Variants in UNC79 observed in about 807,000 individuals in gnomAD.
UNC79 encodes the protein protein unc-79 homolog.
UNC79 carries 37 observed loss-of-function variants against 283.1 expected under a neutral mutation model. That is an observed-to-expected ratio of 0.13 (90% CI 0.10 to 0.17). UNC79 has a LOEUF of 0.17. Among genes scored for constraint, UNC79 ranks in the 10% least tolerant of loss-of-function variants. The pLI, the probability that UNC79 is intolerant of heterozygous loss-of-function variation, is 1.00. For synonymous variants in UNC79, 1,107 were observed against 1,200.2 expected, an observed-to-expected ratio of 0.92 and a Z score of 1.61; for missense variants, 2,272 against 3,211.1, an observed-to-expected ratio of 0.71 and a Z score of 7.07.
At chr14:93,695,598 A>G (rs2075037953) in intron 47 of UNC79, among the ~76,000 whole-genome samples, 1 of 152,020 alleles carries the variant, frequency 6.6e-6, no homozygotes, top group African/African-American at 2.4e-5. Context: ...ATCACCTCCA[A>G]AAGTTTTTTC....
intron 22 of UNC79, among the ~76,000 whole-genome samples, chr14:93,588,902 C>A (rs893210583): frequency 6.6e-6 from 1 of 152,040 alleles, no homozygotes; most frequent in Admixed American, 6.6e-5. Flanking sequence ...AGGAAGAATA[C>A]CCTTTCCTTT....
At chr14:93,375,853 T>C (rs915204881) in intron 1 of UNC79, among the ~76,000 whole-genome samples, 4 of 152,144 alleles carry the variant, frequency 2.6e-5, no homozygotes, top group South Asian at 2.1e-4. Flanking sequence ...GATTACAATT[T>C]GACATGAGAT....
At chr14:93,479,131 A>G (rs546866943) in intron 4 of UNC79, among the ~76,000 whole-genome samples, 2 of 152,208 alleles carry the variant, frequency 1.3e-5, no homozygotes, top group Admixed American at 1.3e-4. Flanking sequence ...AAACTTAGGC[A>G]TAAGAATTTT....
intron 4 of UNC79, among the ~76,000 whole-genome samples, chr14:93,481,647 A>G (rs1489453446): frequency 6.6e-6 from 1 of 152,154 alleles, no homozygotes; most frequent in Non-Finnish European, 1.5e-5. Context: ...TAAGGGCATT[A>G]TCTTAAAGGC....
intron 1 of UNC79, among the ~76,000 whole-genome samples, chr14:93,373,747 A>T (rs2054501359): frequency 6.6e-6 from 1 of 152,242 alleles, no homozygotes; most frequent in Non-Finnish European, 1.5e-5. Context: ...ACTTTCTAAC[A>T]CATTCTGCAA....
Position 93,671,945 on chromosome 14 carries a change from T to C in UNC79, c.6637-1406T>C, listed in dbSNP as rs545568281. Among the ~76,000 whole-genome samples the C allele has an allele frequency of 3.3e-5, 5 of 152,042 alleles. 1 individual carries two copies. The South Asian group carries it at 8.3e-4, about 25-fold the overall frequency. ...CATATGAAAAAAAATGCTCAATATC[T>C]CTAATCATCAGGGAAATGCAAATCA... is the stretch of plus-strand genomic sequence containing the variant. On this transcript the variant is annotated intron_variant, in intron 40 of 48. Coordinates refer to ENST00000555664, the Ensembl canonical transcript of UNC79.
At chr14:93,510,886 C>T (rs746811739) in intron 7 of UNC79, among the ~76,000 whole-genome samples, 1 of 152,156 alleles carries the variant, frequency 6.6e-6, no homozygotes, top group Non-Finnish European at 1.5e-5. Flanking sequence ...AGCAATGCCC[C>T]ACTTCTCTAG....
intron 14 of UNC79, among the ~76,000 whole-genome samples, chr14:93,564,716 G>A (rs141846758): frequency 0.028 from 4,185 of 152,058 alleles, 211 homozygotes; most frequent in African/African-American, 0.096. Flanking sequence ...TAGGATTTGG[G>A]TAGGTAGTGG....
At chr14:93,586,375 G>A (rs1220985733) in intron 20 of UNC79, among the ~76,000 whole-genome samples, 8 of 152,240 alleles carry the variant, frequency 5.3e-5, no homozygotes, top group Non-Finnish European at 1.2e-4. Flanking sequence ...GGACTGCGCA[G>A]TGGAAAATGG....
rs538975149 is a variant in UNC79 at position 93,398,795 on chromosome 14, TTGAATAATA to T, written c.-351+65275_-351+65283del. Reference sequence around the variant, plus strand: ...TTTATGTAGGAGGAAAAACTGCTCTTTGAATAATATGTAGGGTTTAGCTAGGCAAGAGGT... The same window carrying T: ...TTTATGTAGGAGGAAAAACTGCTCTTTGTAGGGTTTAGCTAGGCAAGAGGT... On this transcript the variant is annotated intron_variant, in intron 1 of 49. Transcript: ENST00000256339. 4.8e-3 allele frequency among the ~76,000 whole-genome samples: 725 copies of T among 152,212 alleles called. 4 individuals are homozygous for T. The highest frequency in any genetic ancestry group is 0.016 in the African/African-American group (681 of 41,548).
chr14:93,388,477 A>G (rs923227672), intron 1 of UNC79, among the ~76,000 whole-genome samples: 2 of 152,144 alleles, frequency 1.3e-5, no homozygotes, highest in Non-Finnish European at 2.9e-5. Context: ...TTTCTCAAAA[A>G]TGTATTTTTG....
chr14:93,360,850 G>A (rs192933021), intron 1 of UNC79, among the ~76,000 whole-genome samples: 1 of 152,254 alleles, frequency 6.6e-6, no homozygotes, highest in Non-Finnish European at 1.5e-5. Context: ...GTCCAGTGGT[G>A]TGGGGCCTGT....
At chr14:93,363,101 G>A (rs1009258868) in intron 1 of UNC79, among the ~76,000 whole-genome samples, 4 of 151,968 alleles carry the variant, frequency 2.6e-5, no homozygotes, top group Non-Finnish European at 4.4e-5. Context: ...TGGGTATTTA[G>A]CACTATAAAC....
Position 93,495,007 on chromosome 14 carries a change from C to T in UNC79, c.713-1404C>T, listed in dbSNP as rs551091347. Among the ~76,000 whole-genome samples, 4 of 152,108 alleles carry T rather than the reference C, an allele frequency of 2.6e-5. No homozygotes were observed. The East Asian group carries it at 5.8e-4, about 22-fold the overall frequency. Reference sequence around the variant, plus strand: ...TTAAGAGAAAAGTCTCCTGGTGTACCTCTTTCGTTTTATCAGAGGGAGAAA... The same window carrying T: ...TTAAGAGAAAAGTCTCCTGGTGTACTTCTTTCGTTTTATCAGAGGGAGAAA... On this transcript the variant is annotated intron_variant, in intron 5 of 48. Coordinates refer to ENST00000555664, the Ensembl canonical transcript of UNC79.
intron 34 of UNC79, 51 bp downstream of exon 37, chr14:93,643,748 C>G: frequency 6.3e-7 from 1 of 1,584,652 alleles, no homozygotes; most frequent in Non-Finnish European, 8.5e-7. Flanking sequence ...TATTCAGTCT[C>G]TATCTTGAAC....
At chr14:93,629,020 G>A (rs1251621920) in intron 30 of UNC79, among the ~76,000 whole-genome samples, 1 of 152,132 alleles carries the variant, frequency 6.6e-6, no homozygotes, top group Non-Finnish European at 1.5e-5. Context: ...CCAACATGGT[G>A]AAACCCCATC....
At chr14:93,501,416 G>A (rs561226012) in intron 7 of UNC79, among the ~76,000 whole-genome samples, 55 of 152,074 alleles carry the variant, frequency 3.6e-4, no homozygotes, top group African/African-American at 1.2e-3. Flanking sequence ...TGTGGCCAGC[G>A]CAGTGGCTCA....
At chr14:93,395,027 T>C (rs114028741) in intron 1 of UNC79, among the ~76,000 whole-genome samples, 2,122 of 152,328 alleles carry the variant, frequency 0.014, 62 homozygotes, top group African/African-American at 0.049. Flanking sequence ...TTTTAAATTA[T>C]ATAGAAAAGA....
At chr14:93,580,191 A>G (rs2063713987) in exon 19 of UNC79, 1 of 1,614,032 alleles carries the variant, frequency 6.2e-7, no homozygotes, top group Admixed American at 1.7e-5. Flanking sequence ...TTTAGAGCAC[A>G]GCTTATCAAA....
Sources: gnomAD v4.1 joint callset for allele counts (sites outside exome capture counted in the v4.1 genomes callset) on GRCh38, gnomAD v4.1.1 for gene constraint, MANE v1.5 for transcripts, NCBI Gene and HGNC (gene_info 2026-07-23, HGNC 2026-07-21) for gene names.